The following XDH variants were observed in gnomAD, a reference collection of about 807,000 sequenced individuals.
The protein encoded by XDH is xanthine dehydrogenase.
Under a neutral mutation model 156.1 loss-of-function variants are expected in XDH, and 138 were observed. That is an observed-to-expected ratio of 0.88 (90% confidence interval 0.77 to 1.02). The LOEUF is 1.02. Ranked by LOEUF, XDH falls within the 50% of genes least tolerant of loss-of-function variation. The pLI, the probability that XDH is intolerant of heterozygous loss-of-function variation, is 0.00. For missense variants in XDH, 1,849 were observed against 1,684.9 expected (o/e 1.10, Z -1.71); for synonymous variants, 669 against 625.7 (o/e 1.07, Z -1.03).
At chr2:31,358,459 A>C (rs1685683759) in intron 24 of XDH, among the ~76,000 whole-genome samples, 2 of 152,184 alleles carry the variant, frequency 1.3e-5, no homozygotes, top group Admixed American at 6.5e-5. Flanking sequence ...GTATAATTTT[A>C]AAAGAAAAAA....
chr2:31,356,950 C>G (rs780227067), intron 24 of XDH, among the ~76,000 whole-genome samples: 6 of 152,044 alleles, frequency 3.9e-5, no homozygotes, highest in Non-Finnish European at 5.9e-5. Context: ...ACTGGAATAT[C>G]TATAAACACC....
intron 34 of XDH, among the ~76,000 whole-genome samples, 174 bp downstream of exon 34, chr2:31,339,315 C>T (rs1685057116): frequency 6.6e-6 from 1 of 152,152 alleles, no homozygotes; most frequent in Non-Finnish European, 1.5e-5. Context: ...GGTTCTCAAG[C>T]AGGACTGCCC....
chr2:31,350,105 C>A lies in XDH; in HGVS notation c.2750G>T (p.Gly917Val). The change falls in exon 25 of 36, where the codon GGG becomes GTG. Residue 917 changes from glycine to valine, a missense_variant. Gly to Val is a moderately radical substitution (Grantham distance 109). Coordinates refer to ENST00000379416, the MANE Select transcript of XDH (RefSeq NM_000379.4). ...CTCGGCAATGAGCATCCCCTGGGGC[C>A]CCCCAAAGCCCCGGAAGGCCGTGTT... ...PSNTAFRGFG[G>V]PQGMLIAECW... 1.2e-6 allele frequency: 2 copies of A among 1,614,228 alleles called. No individual in the cohort carries two copies. Among genetic ancestry groups the A allele is most frequent in the East Asian group, 4.5e-5 (2 of 44,884 alleles).
In XDH at chr2:31,350,116, C is replaced by A. The variant is rs1262110727; in HGVS notation, c.2739G>T (p.Arg913=). The A allele has an allele frequency of 6.2e-7, 1 of 1,614,228 alleles. No individual in the cohort carries two copies. Among genetic ancestry groups the A allele is most frequent in the Non-Finnish European group, 8.5e-7 (1 of 1,180,046 alleles). Residue 913 remains arginine (R), a synonymous_variant, in exon 25 of 36, where the codon CGG becomes CGT. Transcript: ENST00000379416. ...GCATCCCCTGGGGCCCCCCAAAGCC[C>A]CGGAAGGCCGTGTTGGAGGGAAGGT... The part of the protein sequence containing the change: ...KTNLPSNTAF[R]GFGGPQGMLI...
Position 31,366,899 on chromosome 2 carries a change from C to T in XDH, c.2293G>A (p.Val765Met), listed in dbSNP as rs773047244. Reference protein sequence around the residue: ...KGEAGEMELFVSTQNTMKTQS... With the variant: ...KGEAGEMELFMSTQNTMKTQS... ...GTCTTCATGGTGTTCTGTGTAGACA[C>T]AAAGAGCTCCATCTCCCCTGCCTCG... The change falls in exon 21 of 36, where the codon GTG becomes ATG. Residue 765 changes from valine to methionine, a missense_variant. By Grantham distance (21) the Val-to-Met change is conservative. Transcript: ENST00000379416. 6.8e-6 allele frequency: 11 copies of T among 1,614,098 alleles called. No individual in the cohort carries two copies. In the African/African-American group the frequency reaches 1.1e-4, roughly 16 times the overall value.
chr2:31,405,582 G>A (rs916321420), intron 2 of XDH, among the ~76,000 whole-genome samples: 1 of 152,192 alleles, frequency 6.6e-6, no homozygotes, highest in Non-Finnish European at 1.5e-5. Context: ...CCTAAGGAAG[G>A]CCCCCCTCTT....
rs761512482 is a variant in XDH at position 31,397,659 on chromosome 2, C to G, written c.495+9G>C. 5 of 1,614,026 alleles carry G rather than the reference C, an allele frequency of 3.1e-6. No homozygotes were observed. The highest frequency in any genetic ancestry group is 4.2e-6 in the Non-Finnish European group (5 of 1,180,026). The stretch of plus-strand genomic sequence containing the variant: ...GCAGAGACACTGATGTTCTGGGGTC[C>G]CCACTTACCCTGGCAAAGGTCCGGA... On this transcript the variant is annotated intron_variant, in intron 6 of 35. Transcript: ENST00000379416.
chr2:31,381,580 A>G lies in XDH; in HGVS notation c.1132+53T>C, dbSNP rs45552841. On this transcript the variant is annotated intron_variant, in intron 12 of 35. Transcript: ENST00000379416. ...TCTCCAGAAAATGACCTATCTGGTG[A>G]GACTTTTCTCCCCCAAGTCCTTCTT... 7,921 of 1,575,388 alleles carry G rather than the reference A, an allele frequency of 5.0e-3. 362 individuals carry two copies. The African/African-American group carries it at 0.092, about 18-fold the overall frequency.
intron 33 of XDH, among the ~76,000 whole-genome samples, chr2:31,339,939 G>A (rs958864053): frequency 2.6e-5 from 4 of 152,230 alleles, no homozygotes; most frequent in Non-Finnish European, 5.9e-5. Flanking sequence ...ACAACCTGCC[G>A]CAGTGCAGAT....
chr2:31,402,386 G>C (rs780499040), intron 3 of XDH, among the ~76,000 whole-genome samples: 2 of 152,200 alleles, frequency 1.3e-5, no homozygotes, highest in South Asian at 4.1e-4. Context: ...TTGAGCTCAT[G>C]AACTGTTGTT....
At chr2:31,375,019 CTTTCTTT>C (rs1359930910) in intron 15 of XDH, among the ~76,000 whole-genome samples, 87 of 101,212 alleles carry the variant, frequency 8.6e-4, no homozygotes, top group African/African-American at 4.2e-3. Flanking sequence ...TTCTTTCTTT[CTTTCTTT>C]TTTTTTTTTT....
In XDH at chr2:31,341,349, G is replaced by T; in HGVS notation, c.3565C>A (p.Pro1189Thr). ...CTCACCTGTCCAATATCAATGGCAG[G>T]GTTTAGACTGGAGCCAACATCCATG... ...IVMDVGSSLN[P>T]AIDIGQVEGA... Residue 1189 changes from proline (P) to threonine (T), a missense_variant, in exon 33 of 36, where the codon CCT (proline) becomes ACT (threonine). Physicochemically the swap from Pro to Thr is conservative, Grantham distance 38. Transcript: ENST00000379416. The T allele has an allele frequency of 1.3e-6, 2 of 1,577,328 alleles. No homozygotes were observed. Among genetic ancestry groups the T allele is most frequent in the Non-Finnish European group, 1.7e-6 (2 of 1,158,762 alleles).
chr2:31,335,716 A>G lies in XDH; in HGVS notation c.*242T>C. On this transcript the variant is annotated 3_prime_UTR_variant, in exon 36 of 36. Transcript: ENST00000379416. Reference sequence around the variant, plus strand: ...GATACATGATTAAAACAGACAGAAAATGATCCTAATTGCATATTCACCATT... The same window carrying G: ...GATACATGATTAAAACAGACAGAAAGTGATCCTAATTGCATATTCACCATT... 1.7e-6 allele frequency: 1 copy of G among 605,554 alleles called. No homozygotes were observed. The highest frequency in any genetic ancestry group is 2.9e-6 in the Non-Finnish European group (1 of 339,200). 37.5% of individuals were successfully genotyped at this position (605,554 alleles called of 1,614,324 possible). A position where few individuals can be genotyped will look rare whatever the true frequency, so the allele number is the denominator to read the frequency against.
At chr2:31,363,212 TGAGACAG>T (rs1186273705) in intron 24 of XDH, among the ~76,000 whole-genome samples, 1 of 152,198 alleles carries the variant, frequency 6.6e-6, no homozygotes, top group Non-Finnish European at 1.5e-5. Context: ...CTCGGGAGGC[TGAGACAG>T]GAGAATCGCT....
intron 34 of XDH, among the ~76,000 whole-genome samples, chr2:31,338,183 G>C (rs1260217995): frequency 6.6e-6 from 1 of 152,180 alleles, no homozygotes; most frequent in African/African-American, 2.4e-5. Flanking sequence ...TAGCCGAGGG[G>C]AAGAGTCTAC....
At chr2:31,370,000 T>C (rs1345654480) in intron 18 of XDH, among the ~76,000 whole-genome samples, 2 of 152,240 alleles carry the variant, frequency 1.3e-5, no homozygotes, top group African/African-American at 4.8e-5. Context: ...ATTCACGTAG[T>C]GGTGGTATTG....
chr2:31,371,747 T>A (rs1163055922), intron 17 of XDH, among the ~76,000 whole-genome samples: 6 of 152,200 alleles, frequency 3.9e-5, no homozygotes, highest in African/African-American at 1.4e-4. Context: ...TCACCATTCC[T>A]GGAGGGATCC....
intron 18 of XDH, among the ~76,000 whole-genome samples, chr2:31,369,583 T>C (rs1461722010): frequency 6.6e-6 from 1 of 152,184 alleles, no homozygotes; most frequent in Non-Finnish European, 1.5e-5. Context: ...CAATGGTGGT[T>C]AAATCTGGCT....
intron 20 of XDH, 88 bp downstream of exon 20, chr2:31,367,873 C>T (rs1300970648): frequency 3.1e-6 from 4 of 1,275,486 alleles, no homozygotes; most frequent in Non-Finnish European, 4.6e-6. Flanking sequence ...GAAATCACTT[C>T]CCTGCTTCAG....
Sources: gnomAD v4.1 joint callset for allele counts (sites outside exome capture counted in the v4.1 genomes callset) on GRCh38, gnomAD v4.1.1 for gene constraint, MANE v1.5 for transcripts, NCBI Gene and HGNC (gene_info 2026-07-23, HGNC 2026-07-21) for gene names.